Variants in SCYL3 observed in about 807,000 individuals in gnomAD.
SCYL3 encodes the protein protein-associating with the carboxyl-terminal domain of ezrin.
In SCYL3, 35 loss-of-function variants were observed where a neutral mutation model predicts 73.8. The observed-to-expected ratio is 0.47, with a 90% CI of 0.36 to 0.63. The LOEUF is 0.63. Ranked by LOEUF, SCYL3 falls within the 20% of genes least tolerant of loss-of-function variation. The pLI, the probability that SCYL3 is intolerant of heterozygous loss-of-function variation, is 0.00. For synonymous variants in SCYL3, 277 were observed against 295.2 expected (o/e 0.94, Z 0.63); for missense variants, 712 against 798.9 (o/e 0.89, Z 1.31).
chr1:169,864,852 C>T (rs530232344), intron 8 of SCYL3, among the ~76,000 whole-genome samples: 3 of 151,838 alleles, frequency 2.0e-5, no homozygotes, highest in South Asian at 2.1e-4. Flanking sequence ...CCCAGCTACT[C>T]GGGGCTGAGG....
rs145601913 is a variant in SCYL3 at position 169,888,802 on chromosome 1, C to G, written c.39G>C (p.Leu13=). The part of the protein sequence containing the change: ...SENSALKSYT[L]REPPFTLPSG... ...AGGGTAAGGTAAATGGTGGTTCTCT[C>G]AGTGTATAGCTCTTTAAAGCACTGT... is the stretch of plus-strand genomic sequence containing the variant. Residue 13 remains leucine (L), a synonymous_variant, in exon 2 of 13, where the codon CTG becomes CTC. Transcript: ENST00000367771. The G allele has an allele frequency of 9.3e-6, 15 of 1,614,036 alleles. No homozygotes were observed. In the South Asian group the frequency reaches 1.6e-4, roughly 18 times the overall value.
chr1:169,860,658 A>C (rs1299302911), intron 10 of SCYL3, among the ~76,000 whole-genome samples: 8 of 152,240 alleles, frequency 5.3e-5, no homozygotes, highest in Non-Finnish European at 1.5e-5. Context: ...TTTACATATG[A>C]TTAGAGTTCT....
At position 169,853,161 on chromosome 1, in the gene SCYL3, T is replaced by C; in HGVS notation, c.*552A>G. 1.5e-6 allele frequency: 1 copy of C among 653,130 alleles called. No homozygotes were observed. 40.5% of individuals were successfully genotyped at this position (653,130 alleles called of 1,614,324 possible). ...GGAATATTCTTATTAAGAACTTTGG[T>C]ACAATGTACTACATGTGGAACAGTC... On this transcript the variant is annotated 3_prime_UTR_variant, in exon 13 of 13. Transcript: ENST00000367771.
At chr1:169,863,232 G>A (rs1473151064) in intron 9 of SCYL3, among the ~76,000 whole-genome samples, 2 of 152,088 alleles carry the variant, frequency 1.3e-5, no homozygotes, top group African/African-American at 4.8e-5. Context: ...AAATTCTAAT[G>A]CTCCAAACCA....
intron 2 of SCYL3, among the ~76,000 whole-genome samples, chr1:169,884,517 C>CTT (rs146433447): frequency 0.025 from 3,861 of 152,126 alleles, 139 homozygotes; most frequent in South Asian, 0.08. Flanking sequence ...AGGCTGGTCT[C>CTT]AAACTCCTGA....
rs967853716 is a variant in SCYL3 at position 169,854,624 on chromosome 1, C to A, written c.1653G>T (p.Leu551Phe). 6.2e-7 allele frequency: 1 copy of A among 1,613,902 alleles called. No individual in the cohort carries two copies. Among genetic ancestry groups the A allele is most frequent in the Non-Finnish European group, 8.5e-7 (1 of 1,179,974 alleles). The change falls in exon 12 of 13, where the codon TTG becomes TTT. Residue 551 changes from leucine (L) to phenylalanine (F), a missense_variant. Leu to Phe is a conservative substitution (Grantham distance 22). This residue lies in a region of SCYL3 where 370 missense variants were observed against 350.8 expected (regional missense o/e 1.05). Coordinates refer to ENST00000367771, the MANE Select transcript of SCYL3 (RefSeq NM_020423.7). Reference protein sequence around the residue: ...TSGEQKPIPALLSLTEESMPW... With the variant: ...TSGEQKPIPAFLSLTEESMPW... ...GCATAGACTCTTCAGTGAGTGAAAG[C>A]AAAGCAGGAATAGGCTTCTGCTCCC... is the stretch of plus-strand genomic sequence containing the variant.
At position 169,850,593 on chromosome 1, in the gene SCYL3, C is replaced by T. The variant is rs1658012560; in HGVS notation, c.*3120G>A. 2 of 309,488 alleles carry T rather than the reference C, an allele frequency of 6.5e-6. No individual in the cohort carries two copies. Among genetic ancestry groups the T allele is most frequent in the African/African-American group, 2.1e-5 (1 of 46,864 alleles). The allele number at this position is 309,488 out of a possible 1,614,324, so 19.2% of individuals were successfully genotyped here. On this transcript the variant is annotated 3_prime_UTR_variant, in exon 13 of 13. Coordinates refer to ENST00000367771, the MANE Select transcript of SCYL3 (RefSeq NM_020423.7). ...TGGGTGGATCATGAGGTCAGGAGTT[C>T]AAGACCAGCCTGGCCAACATGGGGA...
chr1:169,889,325 T>G (rs1010767024), intron 1 of SCYL3, among the ~76,000 whole-genome samples: 4 of 152,146 alleles, frequency 2.6e-5, no homozygotes, highest in Admixed American at 6.5e-5. Context: ...TGGAGAATAC[T>G]TATAATGAGG....
chr1:169,880,785 G>T (rs1438896731), intron 2 of SCYL3, among the ~76,000 whole-genome samples: 4 of 140,740 alleles, frequency 2.8e-5, no homozygotes, highest in Non-Finnish European at 6.1e-5. Context: ...TTTTTGAGAC[G>T]GGGTCTCACT....
At chr1:169,890,562 T>C (rs1662011859) in intron 1 of SCYL3, among the ~76,000 whole-genome samples, 2 of 152,240 alleles carry the variant, frequency 1.3e-5, no homozygotes, top group South Asian at 2.1e-4. Context: ...GGGTATGTAA[T>C]GCTGCTCAAA....
chr1:169,854,512 G>GTGA lies in SCYL3; in HGVS notation c.1762_1764dup (p.Ser588dup). The GTGA allele has an allele frequency of 6.2e-7, 1 of 1,613,994 alleles. No homozygotes were observed. ...GATGGAACCTTAAGGGGCCTTTCTT[G>GTGA]TGATGACACTTTTGGCGGCTCGATT... On this transcript the variant is annotated inframe_insertion, in exon 12 of 13. Coordinates refer to ENST00000367771, the MANE Select transcript of SCYL3 (RefSeq NM_020423.7).
chr1:169,865,669 T>C (rs1210225142), intron 8 of SCYL3, among the ~76,000 whole-genome samples: 3 of 152,214 alleles, frequency 2.0e-5, no homozygotes, highest in Non-Finnish European at 4.4e-5. Flanking sequence ...TTCTCCAGTG[T>C]CTTTCTCACC....
upstream of SCYL3, chr1:169,893,937 G>A (rs1662277895): frequency 6.6e-6 from 1 of 152,332 alleles, no homozygotes; most frequent in African/African-American, 2.4e-5. Flanking sequence ...CTACACCATA[G>A]AGACGGGTCC....
At chr1:169,885,748 G>A (rs1661638665) in intron 2 of SCYL3, among the ~76,000 whole-genome samples, 3 of 152,192 alleles carry the variant, frequency 2.0e-5, no homozygotes, top group Admixed American at 1.3e-4. Flanking sequence ...CAATAGGTAA[G>A]TGAAAATATA....
rs1472358581 is a variant in SCYL3, at chr1:169,851,673, A to G, written c.*2040T>C. ...AGAGTGATTTAATCCAGATTATACT[A>G]AGAGTATTTATAGATCAGTCCATGT... On this transcript the variant is annotated 3_prime_UTR_variant, in exon 13 of 13. Coordinates refer to ENST00000367771, the MANE Select transcript of SCYL3 (RefSeq NM_020423.7). 3.4e-6 allele frequency: 3 copies of G among 876,842 alleles called. No individual in the cohort carries two copies. The highest frequency in any genetic ancestry group is 5.3e-6 in the Non-Finnish European group (3 of 565,942). The allele number at this position is 876,842 out of a possible 1,614,324, so 54.3% of individuals were successfully genotyped here. A position where few individuals can be genotyped will look rare whatever the true frequency, so the allele number is the denominator to read the frequency against.
chr1:169,880,598 C>CA lies in SCYL3; in HGVS notation c.166-1780dup, dbSNP rs76593745. Among the ~76,000 whole-genome samples, 211 of 86,878 alleles carry CA rather than the reference C, an allele frequency of 2.4e-3. 25 individuals carry two copies. The Middle Eastern group carries it at 0.026, about 11-fold the overall frequency. The allele number at this position is 86,878 out of a possible 152,430, so 57.0% of individuals were successfully genotyped here. A position where few individuals can be genotyped will look rare whatever the true frequency, so the allele number is the denominator to read the frequency against. The stretch of plus-strand genomic sequence containing the variant: ...GGCAAAATAAAAGCACTTTTGGTGA[C>CA]AAAAAAAAAAACAGAAAATTTCTTG... On this transcript the variant is annotated intron_variant, in intron 2 of 12. Transcript: ENST00000367771.
chr1:169,850,047 C>T lies in SCYL3; in HGVS notation c.*3666G>A. The T allele has an allele frequency of 1.8e-6, 1 of 555,414 alleles. No individual in the cohort carries two copies. The highest frequency in any genetic ancestry group is 2.3e-5 in the South Asian group (1 of 43,376). 34.4% of individuals were successfully genotyped at this position (555,414 alleles called of 1,614,324 possible). A position where few individuals can be genotyped will look rare whatever the true frequency, so the allele number is the denominator to read the frequency against. ...GGGAGTCCAGAAGCATTAGTATGAC[C>T]CAGCAGAAGTAATTAAAGCTTACAA... On this transcript the variant is annotated 3_prime_UTR_variant, in exon 13 of 13. Transcript: ENST00000367771.
chr1:169,876,123 C>G, intron 3 of SCYL3, 32 bp from the exon 4 acceptor site: 1 of 1,243,996 alleles, frequency 8.0e-7, no homozygotes, highest in Non-Finnish European at 1.1e-6. Flanking sequence ...AGGAAGAGTG[C>G]CACTCCAGGA....
At chr1:169,856,669 TA>T (rs1659197534) in intron 11 of SCYL3, among the ~76,000 whole-genome samples, 1 of 152,140 alleles carries the variant, frequency 6.6e-6, no homozygotes, top group Admixed American at 6.5e-5. Context: ...AAGTCCTATC[TA>T]ATGCCTTATC....
Sources: gnomAD v4.1 joint callset for allele counts (sites outside exome capture counted in the v4.1 genomes callset) on GRCh38, gnomAD v4.1.1 for gene constraint, gnomAD v4.1.1 regional missense constraint, MANE v1.5 for transcripts, NCBI Gene and HGNC (gene_info 2026-07-23, HGNC 2026-07-21) for gene names.